ARHGEF9: variants seen among roughly 807,000 people sequenced by gnomAD.
ARHGEF9 encodes rho guanine nucleotide exchange factor 9.
ARHGEF9 carries 2 observed loss-of-function variants against 41.3 expected under a neutral mutation model. The observed-to-expected ratio is 0.05, with a 90% CI of 0.02 to 0.15. The LOEUF (loss-of-function observed/expected upper bound fraction) is 0.15, where lower values mean the gene tolerates loss of function less well. Among genes scored for constraint, ARHGEF9 ranks in the 10% least tolerant of loss-of-function variants. The pLI is 1.00. For missense variants in ARHGEF9, 225 were observed against 424.7 expected (o/e 0.53, Z 4.13); for synonymous variants, 160 against 154.4 (o/e 1.04, Z -0.27).
At chrX:63,721,850 C>A (rs1412598179) in intron 2 of ARHGEF9, among the ~76,000 whole-genome samples, 1 of 110,759 alleles carries the variant, frequency 9.0e-6, no homozygotes, top group African/African-American at 3.3e-5. Context: ...GAAGCCATAT[C>A]CCCAGTACAG....
chrX:63,642,650 A>C (rs1569420817), intron 9 of ARHGEF9: 1 of 111,920 alleles, frequency 8.9e-6, no homozygotes, highest in African/African-American at 3.3e-5. Flanking sequence ...AAGAAGCTTC[A>C]ATGGAAAAAA....
intron 1 of ARHGEF9, among the ~76,000 whole-genome samples, chrX:63,782,694 G>A (rs1371381758): frequency 8.9e-6 from 1 of 112,486 alleles, no homozygotes; most frequent in African/African-American, 3.2e-5. Context: ...AGAACAAGGA[G>A]CAAAGATCTT....
intron 1 of ARHGEF9, among the ~76,000 whole-genome samples, chrX:63,736,768 C>T (rs781924207): frequency 9.0e-6 from 1 of 111,717 alleles, no homozygotes; most frequent in Non-Finnish European, 1.9e-5. Context: ...ACTACAGTAA[C>T]CATTTTACTA....
intron 3 of ARHGEF9, among the ~76,000 whole-genome samples, chrX:63,698,790 T>C (rs2051951219): frequency 8.9e-6 from 1 of 111,983 alleles, no homozygotes. Context: ...AGTTGGCAAA[T>C]TAATAGTCTA....
chrX:63,718,802 G>C (rs1251627939), intron 2 of ARHGEF9, among the ~76,000 whole-genome samples: 1 of 111,727 alleles, frequency 9.0e-6, no homozygotes, highest in African/African-American at 3.3e-5. Flanking sequence ...AAAGCCCAGG[G>C]TAATTTTAGC....
chrX:63,723,280 A>C (rs2053746911), intron 2 of ARHGEF9, among the ~76,000 whole-genome samples: 2 of 111,749 alleles, frequency 1.8e-5, no homozygotes, highest in Admixed American at 9.5e-5. Context: ...ATCAGGGCTC[A>C]GGGAAGTTAA....
chrX:63,706,113 T>A (rs2052529142), intron 3 of ARHGEF9, 145 bp downstream of exon 3: 1 of 577,724 alleles, frequency 1.7e-6, no homozygotes, highest in South Asian at 3.1e-5. Flanking sequence ...TTTACCTCAC[T>A]GACCCTAAGG....
At chrX:63,645,571 T>C (rs1309520738) in intron 8 of ARHGEF9, among the ~76,000 whole-genome samples, 1 of 112,284 alleles carries the variant, frequency 8.9e-6, no homozygotes, top group Admixed American at 9.5e-5. Context: ...TCGTTTCTTA[T>C]GGCTGCATAG....
At chrX:63,644,946 G>T (rs1188981064) in intron 8 of ARHGEF9, among the ~76,000 whole-genome samples, 2 of 108,120 alleles carry the variant, frequency 1.8e-5, no homozygotes, top group South Asian at 4.1e-4. Flanking sequence ...TTTTTTAATT[G>T]TTATTTTTTG....
At chrX:63,736,488 T>C (rs1422948522) in intron 1 of ARHGEF9, among the ~76,000 whole-genome samples, 1 of 110,730 alleles carries the variant, frequency 9.0e-6, no homozygotes, top group Non-Finnish European at 1.9e-5. Flanking sequence ...GTGGTCAGGA[T>C]TGGAGATTTC....
chrX:63,697,188 C>T lies in ARHGEF9; in HGVS notation c.519G>A (p.Leu173=). The T allele has an allele frequency of 8.3e-7, 1 of 1,210,689 alleles. No homozygotes were observed. Among genetic ancestry groups the T allele is most frequent in the Non-Finnish European group, 1.1e-6 (1 of 895,081 alleles). Residue 173 remains leucine, a synonymous_variant, in exon 4 of 10, where the codon CTG becomes CTA. Coordinates refer to ENST00000671741, the MANE Select transcript of ARHGEF9 (RefSeq NM_001353921.2). ...GGTCATCATTGTTATACTGTTTCTC[C>T]AGGTCTCTCACAAAGCCCATCTGAA... ...YRFQMGFVRD[L]EKQYNNDDPH...
intron 8 of ARHGEF9, among the ~76,000 whole-genome samples, chrX:63,648,399 C>T (rs1391518252): frequency 9.0e-6 from 1 of 111,080 alleles, no homozygotes; most frequent in Non-Finnish European, 1.9e-5. Context: ...CAAGCAAATG[C>T]TGAGAGATTT....
At chrX:63,660,592 A>C (rs1381516727) in intron 7 of ARHGEF9, among the ~76,000 whole-genome samples, 1 of 112,224 alleles carries the variant, frequency 8.9e-6, no homozygotes, top group African/African-American at 3.2e-5. Context: ...AAAGCTACTA[A>C]ATGGCAGAGC....
intron 1 of ARHGEF9, among the ~76,000 whole-genome samples, chrX:63,747,752 C>G (rs1428144768): frequency 1.8e-5 from 2 of 112,535 alleles, no homozygotes; most frequent in African/African-American, 6.5e-5. Context: ...AGCAAAACAA[C>G]AAGAGAAACA....
At chrX:63,642,075 AATAAACTCAT>A (rs1290582126) in intron 9 of ARHGEF9, 3 of 111,318 alleles carry the variant, frequency 2.7e-5, no homozygotes, top group African/African-American at 6.5e-5. Context: ...AATACTCCTT[AATAAACTCAT>A]ATAAACTCAT....
chrX:63,653,895 C>T (rs1190221798), intron 8 of ARHGEF9, among the ~76,000 whole-genome samples: 5 of 110,394 alleles, frequency 4.5e-5, no homozygotes, highest in African/African-American at 9.9e-5. Context: ...GATAGAAATG[C>T]TAATGATATA....
chrX:63,686,614 T>A, intron 4 of ARHGEF9, among the ~76,000 whole-genome samples: 1 of 111,892 alleles, frequency 8.9e-6, no homozygotes. Flanking sequence ...GACTGGGATA[T>A]AATGTCTGCA....
chrX:63,685,112 T>C (rs1556373964), intron 4 of ARHGEF9, among the ~76,000 whole-genome samples: 1 of 110,994 alleles, frequency 9.0e-6, no homozygotes, highest in African/African-American at 3.3e-5. Flanking sequence ...GCTAAGAGAG[T>C]AAATTTTAGA....
chrX:63,731,073 A>C (rs1176194678), intron 1 of ARHGEF9, among the ~76,000 whole-genome samples: 1 of 112,066 alleles, frequency 8.9e-6, no homozygotes, highest in Non-Finnish European at 1.9e-5. Context: ...TGTGAACCTC[A>C]CATGTATGGA....
Sources: gnomAD v4.1 joint callset for allele counts (sites outside exome capture counted in the v4.1 genomes callset) on GRCh38, gnomAD v4.1.1 for gene constraint, MANE v1.5 for transcripts, NCBI Gene and HGNC (gene_info 2026-07-23, HGNC 2026-07-21) for gene names.